The following CNTN5 variants were observed in gnomAD, a reference collection of about 807,000 sequenced individuals.
CNTN5 encodes the protein contactin 5.
In CNTN5, 77 loss-of-function variants were observed where a neutral mutation model predicts 129.1. The observed-to-expected ratio is 0.60, with a 90% CI of 0.50 to 0.72. CNTN5 has a LOEUF of 0.72. CNTN5 is among the 30% of genes least tolerant of loss of function. The pLI is 0.00. For missense variants in CNTN5, 1,478 were observed against 1,328.8 expected, an observed-to-expected ratio of 1.11 and a Z score of -1.75; for synonymous variants, 509 against 465.6, an observed-to-expected ratio of 1.09 and a Z score of -1.20.
rs145312695 is a variant in CNTN5 at position 100,151,868 on chromosome 11, A to G, written c.1581-39258A>G. Among the ~76,000 whole-genome samples, 11 of 152,266 alleles carry G rather than the reference A, an allele frequency of 7.2e-5. No homozygotes were observed. The East Asian group carries it at 2.1e-3, about 29-fold the overall frequency. ...AGGTGCCTCTTAGCTTCCTGTGTAT[A>G]GTATGTCTTTATTCCTACATGAAAG... On this transcript the variant is annotated intron_variant, in intron 13 of 24. Coordinates refer to ENST00000524871, the MANE Select transcript of CNTN5 (RefSeq NM_014361.4).
intron 3 of CNTN5, among the ~76,000 whole-genome samples, chr11:99,732,558 T>A (rs759679254): frequency 6.6e-6 from 1 of 151,974 alleles, no homozygotes; most frequent in Non-Finnish European, 1.5e-5. Flanking sequence ...GAGGTGAGAA[T>A]TGAGTGGAAT....
chr11:99,091,785 T>C (rs1190167914), intron 1 of CNTN5, among the ~76,000 whole-genome samples: 1 of 152,168 alleles, frequency 6.6e-6, no homozygotes, highest in African/African-American at 2.4e-5. Flanking sequence ...TTTTATGTGT[T>C]GGCCATTTAT....
chr11:99,177,282 T>C (rs1857823646), intron 1 of CNTN5, among the ~76,000 whole-genome samples: 1 of 152,042 alleles, frequency 6.6e-6, no homozygotes, highest in Admixed American at 6.5e-5. Flanking sequence ...AAATATGCTA[T>C]TTATTTATTT....
intron 3 of CNTN5, among the ~76,000 whole-genome samples, chr11:99,771,103 C>T (rs181032652): frequency 1.9e-4 from 29 of 152,144 alleles, no homozygotes; most frequent in African/African-American, 6.5e-4. Flanking sequence ...TACAGAATAT[C>T]ATATCATTTC....
At chr11:99,648,727 A>G (rs1394723270) in intron 3 of CNTN5, among the ~76,000 whole-genome samples, 1 of 151,956 alleles carries the variant, frequency 6.6e-6, no homozygotes, top group African/African-American at 2.4e-5. Flanking sequence ...CTATGTGGCT[A>G]TTAAAAAGAA....
intron 3 of CNTN5, among the ~76,000 whole-genome samples, chr11:99,805,036 C>G (rs1946226920): frequency 6.6e-6 from 1 of 151,900 alleles, no homozygotes; most frequent in South Asian, 2.1e-4. Flanking sequence ...GAATTAAAGT[C>G]TGAGAGAAAA....
intron 3 of CNTN5, among the ~76,000 whole-genome samples, chr11:99,774,126 G>C (rs1019371074): frequency 6.6e-6 from 1 of 151,854 alleles, no homozygotes; most frequent in African/African-American, 2.4e-5. Flanking sequence ...TTCTAGAATG[G>C]TTTAAGTTTT....
chr11:99,396,768 A>G (rs553105099), intron 2 of CNTN5, among the ~76,000 whole-genome samples: 3 of 151,756 alleles, frequency 2.0e-5, no homozygotes, highest in Non-Finnish European at 3.0e-5. Flanking sequence ...ATGGAAAAAG[A>G]AAAGATAAAG....
intron 3 of CNTN5, among the ~76,000 whole-genome samples, chr11:99,599,330 G>A (rs1950242225): frequency 6.6e-6 from 1 of 152,064 alleles, no homozygotes; most frequent in Admixed American, 6.6e-5. Flanking sequence ...AGCTTGAGAA[G>A]AGAACGATTT....
At chr11:99,729,974 G>T (rs1230908096) in intron 3 of CNTN5, among the ~76,000 whole-genome samples, 8 of 152,066 alleles carry the variant, frequency 5.3e-5, no homozygotes, top group South Asian at 2.1e-4. Context: ...TAGGTGATGG[G>T]TTGAGAGGTT....
chr11:100,151,048 C>T (rs1339242716), intron 13 of CNTN5, among the ~76,000 whole-genome samples: 1 of 152,024 alleles, frequency 6.6e-6, no homozygotes, highest in Admixed American at 6.6e-5. Flanking sequence ...TTTCTGGCAC[C>T]TTGGTCTTAG....
In CNTN5 at chr11:99,638,414, G is replaced by A. The variant is rs550365784; in HGVS notation, c.55+82145G>A. On this transcript the variant is annotated intron_variant, in intron 3 of 24. Transcript: ENST00000524871. ...ACCCCTCCAAACCTCATGTCCTTGC[G>A]TTTCAAAACCAGTCATGCCTTCTCA... Among the ~76,000 whole-genome samples the A allele has an allele frequency of 7.2e-5, 11 of 152,130 alleles. No individual in the cohort carries two copies. The East Asian group carries it at 1.7e-3, about 24-fold the overall frequency.
intron 3 of CNTN5, among the ~76,000 whole-genome samples, chr11:99,684,387 T>G (rs1433014422): frequency 2.6e-5 from 4 of 151,910 alleles, no homozygotes; most frequent in South Asian, 4.1e-4. Context: ...ATGATAATAC[T>G]AAGTCCACTT....
At chr11:100,142,127 C>T (rs1453630537) in intron 13 of CNTN5, among the ~76,000 whole-genome samples, 1 of 152,066 alleles carries the variant, frequency 6.6e-6, no homozygotes, top group African/African-American at 2.4e-5. Context: ...TCAGGCTTTC[C>T]CCTCAGACGG....
chr11:99,066,594 CA>C (rs969994799), intron 1 of CNTN5, among the ~76,000 whole-genome samples: 2 of 152,030 alleles, frequency 1.3e-5, no homozygotes, highest in Admixed American at 1.3e-4. Context: ...AATCAATACC[CA>C]ACATGGATGA....
At chr11:99,572,263 A>G (rs1402752018) in intron 3 of CNTN5, among the ~76,000 whole-genome samples, 3 of 152,242 alleles carry the variant, frequency 2.0e-5, no homozygotes, top group Non-Finnish European at 4.4e-5. Context: ...ATAGCTGATG[A>G]GCAAAACAAA....
At chr11:100,007,963 G>T (rs1370896785) in intron 9 of CNTN5, among the ~76,000 whole-genome samples, 1 of 151,808 alleles carries the variant, frequency 6.6e-6, no homozygotes, top group Non-Finnish European at 1.5e-5. Context: ...GTTATTAATT[G>T]GCTTAATTTT....
chr11:99,521,717 T>C (rs890023180), intron 2 of CNTN5, among the ~76,000 whole-genome samples: 1 of 152,224 alleles, frequency 6.6e-6, no homozygotes, highest in Non-Finnish European at 1.5e-5. Context: ...TGTAGTTGAC[T>C]CTGAGTGGCT....
chr11:99,456,454 GAAT>G (rs1321124957), intron 2 of CNTN5, among the ~76,000 whole-genome samples: 1 of 152,094 alleles, frequency 6.6e-6, no homozygotes, highest in Non-Finnish European at 1.5e-5. Flanking sequence ...ATCTTGTAGA[GAAT>G]TACTGAGAGA....
Sources: allele counts gnomAD v4.1 joint callset (sites outside exome capture counted in the v4.1 genomes callset), GRCh38; gene constraint gnomAD v4.1.1; transcripts MANE v1.5; gene names NCBI Gene and HGNC (gene_info 2026-07-23, HGNC 2026-07-21).